Variants in SLIT3 observed in about 807,000 individuals in gnomAD.
The protein encoded by SLIT3 is slit guidance ligand 3.
In SLIT3, 68 loss-of-function variants were observed where a neutral mutation model predicts 184.0. That is an observed-to-expected ratio of 0.37 (90% CI 0.30 to 0.45). The LOEUF (loss-of-function observed/expected upper bound fraction) is 0.45, where lower values mean the gene tolerates loss of function less well. Among genes scored for constraint, SLIT3 ranks in the 20% least tolerant of loss-of-function variants. SLIT3 has a pLI of 1.00. For missense variants in SLIT3, 1,707 were observed against 2,026.0 expected (o/e 0.84, Z 3.02); for synonymous variants, 831 against 828.6 (o/e 1.00, Z -0.05).
intron 1 of SLIT3, among the ~76,000 whole-genome samples, chr5:169,265,277 G>C (rs1766355072): frequency 6.6e-6 from 1 of 152,218 alleles, no homozygotes; most frequent in African/African-American, 2.4e-5. Flanking sequence ...GCGTAGTCTG[G>C]TTCTCACTGT....
chr5:169,290,247 G>T (rs1309174583), intron 1 of SLIT3, among the ~76,000 whole-genome samples: 10 of 149,738 alleles, frequency 6.7e-5, no homozygotes. Flanking sequence ...ACATGCTAGG[G>T]CACATGCTGG....
chr5:169,002,384 A>G (rs1359870953), intron 4 of SLIT3, among the ~76,000 whole-genome samples: 1 of 150,808 alleles, frequency 6.6e-6, no homozygotes, highest in Non-Finnish European at 1.5e-5. Flanking sequence ...TGGGGCATCA[A>G]TGAGTACAGA....
At chr5:169,235,740 T>C (rs1177133064) in intron 3 of SLIT3, among the ~76,000 whole-genome samples, 1 of 152,234 alleles carries the variant, frequency 6.6e-6, no homozygotes, top group Non-Finnish European at 1.5e-5. Context: ...GTATTTTTTA[T>C]GAAGTTTCTC....
intron 4 of SLIT3, chr5:169,024,037 G>A (rs543509524): frequency 6.6e-6 from 1 of 152,124 alleles, no homozygotes; most frequent in East Asian, 1.9e-4. Flanking sequence ...TCAAAACATA[G>A]CTTCGAGGTA....
chr5:168,920,873 T>C (rs1174319854), intron 4 of SLIT3, among the ~76,000 whole-genome samples: 2 of 152,186 alleles, frequency 1.3e-5, no homozygotes, highest in Non-Finnish European at 2.9e-5. Context: ...TACTCACTGA[T>C]AGATTAGGTA....
intron 5 of SLIT3, among the ~76,000 whole-genome samples, chr5:168,857,198 T>C (rs756248009): frequency 2.6e-5 from 4 of 152,090 alleles, no homozygotes; most frequent in Admixed American, 6.5e-5. Context: ...TGCAGCTACT[T>C]CTACTTAATT....
At chr5:168,876,986 C>G (rs952706285) in intron 5 of SLIT3, among the ~76,000 whole-genome samples, 2 of 152,106 alleles carry the variant, frequency 1.3e-5, no homozygotes, top group Admixed American at 6.5e-5. Flanking sequence ...TCGGCAAACA[C>G]CTGTGAAATG....
chr5:169,046,155 G>A (rs546750520), intron 4 of SLIT3, among the ~76,000 whole-genome samples: 1 of 152,274 alleles, frequency 6.6e-6, no homozygotes, highest in East Asian at 1.9e-4. Context: ...CCTTATTTTT[G>A]TGCTTTGGTA....
At position 168,673,282 on chromosome 5, in the gene SLIT3, G is replaced by T; in HGVS notation, c.3736C>A (p.Leu1246Ile). 6.2e-7 allele frequency: 1 copy of T among 1,614,120 alleles called. No homozygotes were observed. Among genetic ancestry groups the T allele is most frequent in the Non-Finnish European group, 8.5e-7 (1 of 1,180,024 alleles). The change falls in exon 33 of 36, where the codon CTA becomes ATA. Residue 1246 changes from leucine (L) to isoleucine (I), a missense_variant. By Grantham distance (5) the Leu-to-Ile change is conservative. Around this residue, in one of 3 missense-constraint regions of SLIT3, gnomAD observed 387 missense variants for 477.9 expected, o/e 0.81. Transcript: ENST00000519560. ...GQFHSVELVTLNQTLNLVVDK... is the reference protein window; with the variant it reads ...GQFHSVELVTINQTLNLVVDK... ...ACTACTAGGTTCAGGGTCTGGTTTA[G>T]CGTCACCAGCTCCACACTGTGAAAC...
At chr5:168,876,171 C>T (rs1426210880) in intron 5 of SLIT3, among the ~76,000 whole-genome samples, 2 of 152,116 alleles carry the variant, frequency 1.3e-5, no homozygotes, top group Non-Finnish European at 2.9e-5. Flanking sequence ...CCAGCTAGCC[C>T]CTGAGTCCCT....
At chr5:168,696,576 GGCCTTGGGGTCCTGAGCAGGAA>G in intron 27 of SLIT3, 145 bp from the exon 28 acceptor site, 1 of 846,536 alleles carries the variant, frequency 1.2e-6, no homozygotes, top group Non-Finnish European at 1.8e-6. Context: ...GGACACATGA[GGCCTTGGGGTCCTGAGCAGGAA>G]GACCCTTAGG....
In SLIT3 at chr5:168,789,863, C is replaced by T. The variant is rs184229135; in HGVS notation, c.1008-232G>A. On this transcript the variant is annotated intron_variant, in intron 10 of 35. Coordinates refer to ENST00000519560, the MANE Select transcript of SLIT3 (RefSeq NM_003062.4). Reference sequence around the variant, plus strand: ...CTCTTCTTGGTTTTCAAAGAATACTCACCCGTGGCATCTTCATCGGGACAC... The same window carrying T: ...CTCTTCTTGGTTTTCAAAGAATACTTACCCGTGGCATCTTCATCGGGACAC... 1.6e-3 allele frequency: 803 copies of T among 503,706 alleles called. 3 individuals carry two copies. Among genetic ancestry groups the T allele is most frequent in the Middle Eastern group, 3.1e-3 (7 of 2,244 alleles). 31.2% of individuals were successfully genotyped at this position (503,706 alleles called of 1,614,324 possible).
At chr5:168,812,183 G>A (rs1355999689) in intron 8 of SLIT3, among the ~76,000 whole-genome samples, 1 of 152,210 alleles carries the variant, frequency 6.6e-6, no homozygotes, top group East Asian at 1.9e-4. Flanking sequence ...GGAGAATGGT[G>A]CTTACCAGGG....
At chr5:169,081,414 C>A (rs1759046694) in intron 4 of SLIT3, among the ~76,000 whole-genome samples, 1 of 152,142 alleles carries the variant, frequency 6.6e-6, no homozygotes, top group Admixed American at 6.5e-5. Flanking sequence ...TGAAGGGTCT[C>A]CGTAAACCTG....
rs80147776 is a variant in SLIT3 at position 169,099,685 on chromosome 5, G to A, written c.413+93794C>T. 6.7e-4 allele frequency among the ~76,000 whole-genome samples: 102 copies of A among 152,322 alleles called. 2 individuals are homozygous for A. The East Asian group carries it at 0.013, about 20-fold the overall frequency. ...CCCAGCTCATCTTAGTCCCAACCAT[G>A]CCATATCCTGACACAGAATGCCGGT... is the stretch of plus-strand genomic sequence containing the variant. On this transcript the variant is annotated intron_variant, in intron 4 of 35. Coordinates refer to ENST00000519560, the MANE Select transcript of SLIT3 (RefSeq NM_003062.4).
At chr5:168,704,163 A>C (rs1166514746) in intron 26 of SLIT3, among the ~76,000 whole-genome samples, 2 of 152,148 alleles carry the variant, frequency 1.3e-5, no homozygotes, top group African/African-American at 4.8e-5. Flanking sequence ...GCATTTTAAT[A>C]AGCTCTCCAG....
At chr5:168,764,791 T>C (rs1324786182) in intron 14 of SLIT3, among the ~76,000 whole-genome samples, 1 of 152,148 alleles carries the variant, frequency 6.6e-6, no homozygotes, top group Non-Finnish European at 1.5e-5. Context: ...TCCGTGCACG[T>C]ATCCCCACAG....
intron 27 of SLIT3, among the ~76,000 whole-genome samples, chr5:168,698,739 T>C (rs1762131158): frequency 6.6e-6 from 1 of 151,560 alleles, no homozygotes; most frequent in African/African-American, 2.4e-5. Flanking sequence ...TGCAGAAGAG[T>C]TTCCCTATTC....
chr5:168,710,351 CAGT>C (rs1479100045), intron 25 of SLIT3, among the ~76,000 whole-genome samples: 1 of 152,202 alleles, frequency 6.6e-6, no homozygotes, highest in Admixed American at 6.5e-5. Context: ...CATACAAACT[CAGT>C]AGTAGTTTGT....
Sources: allele counts gnomAD v4.1 joint callset (sites outside exome capture counted in the v4.1 genomes callset), GRCh38; gene constraint gnomAD v4.1.1; regional missense constraint gnomAD v4.1.1; transcripts MANE v1.5; gene names NCBI Gene and HGNC (gene_info 2026-07-23, HGNC 2026-07-21).